Variants in SHISA6 observed in about 807,000 individuals in gnomAD.
SHISA6 encodes shisa family member 6.
SHISA6 carries 22 observed loss-of-function variants against 47.9 expected under a neutral mutation model. The ratio of observed to expected loss-of-function variants is 0.46; its 90% CI spans 0.33 to 0.66. The LOEUF (loss-of-function observed/expected upper bound fraction) is 0.66. Among genes scored for constraint, SHISA6 ranks in the 30% least tolerant of loss-of-function variants. The pLI, the probability that SHISA6 is intolerant of heterozygous loss-of-function variation, is 0.02. For synonymous variants in SHISA6, 388 were observed against 337.8 expected, an observed-to-expected ratio of 1.15 and a Z score of -1.63; for missense variants, 680 against 764.6, an observed-to-expected ratio of 0.89 and a Z score of 1.30.
At chr17:11,400,813 C>T (rs1466751631) in intron 3 of SHISA6, among the ~76,000 whole-genome samples, 1 of 152,130 alleles carries the variant, frequency 6.6e-6, no homozygotes, top group African/African-American at 2.4e-5. Flanking sequence ...TTTCTGCATC[C>T]ATAAGGACTG....
intron 2 of SHISA6, among the ~76,000 whole-genome samples, chr17:11,319,326 G>A (rs891391180): frequency 2.6e-5 from 4 of 152,192 alleles, no homozygotes; most frequent in African/African-American, 4.8e-5. Context: ...TGATCCACCC[G>A]CCTCGCCCTT....
At chr17:11,501,514 T>C (rs2071452844) in intron 3 of SHISA6, among the ~76,000 whole-genome samples, 1 of 151,814 alleles carries the variant, frequency 6.6e-6, no homozygotes, top group Non-Finnish European at 1.5e-5. Flanking sequence ...ATTAAGGAGG[T>C]TTTTTTAGTA....
intron 2 of SHISA6, among the ~76,000 whole-genome samples, chr17:11,287,743 A>AG (rs1909371841): frequency 8.3e-5 from 1 of 12,034 alleles, no homozygotes; most frequent in Non-Finnish European, 1.8e-4. Flanking sequence ...CTGGGAAGGG[A>AG]AGGGAAGGGA....
chr17:11,274,838 A>G (rs1476483601), intron 2 of SHISA6, among the ~76,000 whole-genome samples: 3 of 152,160 alleles, frequency 2.0e-5, no homozygotes, highest in Admixed American at 6.5e-5. Flanking sequence ...ACATGCTCAG[A>G]ACGCTCAGAG....
Position 11,419,302 on chromosome 17 carries a change from C to T in SHISA6, c.895+39793C>T, listed in dbSNP as rs140831552. ...ACAACTGTCAATGTATAGTTCCTTTCTTAAATTATATCCTTTAATAAATAT... is the reference window on the plus strand; with the variant it reads ...ACAACTGTCAATGTATAGTTCCTTTTTTAAATTATATCCTTTAATAAATAT... On this transcript the variant is annotated intron_variant, in intron 3 of 5. Transcript: ENST00000441885. Among the ~76,000 whole-genome samples the T allele has an allele frequency of 5.1e-3, 780 of 151,562 alleles. 8 individuals are homozygous for T. The highest frequency in any genetic ancestry group is 0.018 in the African/African-American group (759 of 41,312).
intron 2 of SHISA6, among the ~76,000 whole-genome samples, chr17:11,373,221 G>A (rs1434880073): frequency 6.6e-6 from 1 of 151,288 alleles, no homozygotes; most frequent in Non-Finnish European, 1.5e-5. Context: ...ATGGTGACTC[G>A]TGGGTATTTT....
chr17:11,549,854 G>A (rs1198574174), intron 3 of SHISA6, among the ~76,000 whole-genome samples: 2 of 152,178 alleles, frequency 1.3e-5, no homozygotes, highest in Non-Finnish European at 2.9e-5. Context: ...GCCTCTGGAG[G>A]ACAAGCAAGA....
intron 3 of SHISA6, among the ~76,000 whole-genome samples, chr17:11,456,694 C>G (rs915130047): frequency 6.6e-6 from 1 of 151,524 alleles, no homozygotes; most frequent in Admixed American, 6.6e-5. Context: ...TTAGCCCTCA[C>G]CAGGGCTGGA....
intron 3 of SHISA6, among the ~76,000 whole-genome samples, chr17:11,406,976 T>C (rs1459522367): frequency 1.3e-5 from 2 of 152,128 alleles, no homozygotes; most frequent in African/African-American, 2.4e-5. Context: ...CATATGTAGA[T>C]AATTATGGCA....
At position 11,306,547 on chromosome 17, in the gene SHISA6, G is replaced by A. The variant is rs1191151937; in HGVS notation, c.799+43021G>A. Among the ~76,000 whole-genome samples, 3 of 152,174 alleles carry A rather than the reference G, an allele frequency of 2.0e-5. No individual in the cohort carries two copies. In the South Asian group the frequency reaches 6.2e-4, roughly 31 times the overall value. ...CACTGTATTCATCCTTGGGGTCTTC[G>A]TTTGTGTCCTCTGTGACTGCACCTG... is the stretch of plus-strand genomic sequence containing the variant. On this transcript the variant is annotated intron_variant, in intron 2 of 5. Coordinates refer to ENST00000441885, the MANE Select transcript of SHISA6 (RefSeq NM_207386.4).
At chr17:11,518,032 T>C (rs1010945972) in intron 3 of SHISA6, among the ~76,000 whole-genome samples, 8 of 152,110 alleles carry the variant, frequency 5.3e-5, no homozygotes, top group South Asian at 2.1e-4. Context: ...CCACCACCAA[T>C]AGAACTATGG....
At chr17:11,253,314 T>G (rs1206783279) in intron 1 of SHISA6, among the ~76,000 whole-genome samples, 1 of 148,578 alleles carries the variant, frequency 6.7e-6, no homozygotes, top group Non-Finnish European at 1.5e-5. Flanking sequence ...GGGCAAAGTT[T>G]TTTTTTTTTT....
chr17:11,334,375 A>G (rs947595202), intron 2 of SHISA6, among the ~76,000 whole-genome samples: 1 of 152,172 alleles, frequency 6.6e-6, no homozygotes, highest in Non-Finnish European at 1.5e-5. Flanking sequence ...GAGTAAAAAC[A>G]GCTTTTTGAG....
intron 2 of SHISA6, among the ~76,000 whole-genome samples, chr17:11,274,870 A>G (rs1908822378): frequency 1.3e-5 from 2 of 152,132 alleles, no homozygotes; most frequent in East Asian, 3.9e-4. Flanking sequence ...GGTCGGAGTG[A>G]TCATCACCAA....
At chr17:11,316,668 C>G (rs564765689) in intron 2 of SHISA6, among the ~76,000 whole-genome samples, 1 of 152,184 alleles carries the variant, frequency 6.6e-6, no homozygotes, top group South Asian at 2.1e-4. Flanking sequence ...GACTCGCCCA[C>G]CTCGGCCTCC....
intron 2 of SHISA6, among the ~76,000 whole-genome samples, chr17:11,281,675 TG>T (rs1281633881): frequency 2.0e-5 from 3 of 152,176 alleles, no homozygotes; most frequent in Non-Finnish European, 4.4e-5. Flanking sequence ...TGCCGAAAAA[TG>T]TTTTTTTCTC....
At chr17:11,489,853 A>G (rs1916432050) in intron 3 of SHISA6, among the ~76,000 whole-genome samples, 1 of 152,338 alleles carries the variant, frequency 6.6e-6, no homozygotes, top group South Asian at 2.1e-4. Context: ...CCTACAATGC[A>G]CAGAGCAATT....
intron 3 of SHISA6, among the ~76,000 whole-genome samples, chr17:11,467,019 C>T (rs1347607978): frequency 2.0e-5 from 3 of 152,150 alleles, no homozygotes. Flanking sequence ...TCAGTAGCTA[C>T]AAGGAAACAT....
At chr17:11,242,102 C>T in intron 1 of SHISA6, 42 bp downstream of exon 1, 1 of 1,546,426 alleles carries the variant, frequency 6.5e-7, no homozygotes, top group Non-Finnish European at 8.7e-7. Flanking sequence ...TCCCCGCGGC[C>T]TCACCCTCTC....
Sources: gnomAD v4.1 joint callset for allele counts (sites outside exome capture counted in the v4.1 genomes callset) on GRCh38, gnomAD v4.1.1 for gene constraint, MANE v1.5 for transcripts, NCBI Gene and HGNC (gene_info 2026-07-23, HGNC 2026-07-21) for gene names.